Variants in FAM171A1 observed in about 807,000 individuals in gnomAD.
The protein encoded by FAM171A1 is protein FAM171A1.
FAM171A1 carries 23 observed loss-of-function variants against 74.9 expected under a neutral mutation model. That is an observed-to-expected ratio of 0.31 (90% confidence interval 0.22 to 0.44). The LOEUF (loss-of-function observed/expected upper bound fraction) is 0.44, where lower values mean the gene tolerates loss of function less well. FAM171A1 is among the 20% of genes least tolerant of loss of function. The pLI, the probability that FAM171A1 is intolerant of heterozygous loss-of-function variation, is 1.00. For missense variants in FAM171A1, 1,162 were observed against 1,159.2 expected (o/e 1.00, Z -0.03); for synonymous variants, 527 against 505.7 (o/e 1.04, Z -0.57).
At chr10:15,275,582 C>A (rs758388180) in intron 3 of FAM171A1, among the ~76,000 whole-genome samples, 1 of 152,026 alleles carries the variant, frequency 6.6e-6, no homozygotes, top group Non-Finnish European at 1.5e-5. Flanking sequence ...TAGGCATGAG[C>A]CATAAGATTT....
chr10:15,289,126 T>C lies in FAM171A1; in HGVS notation c.98-5021A>G, dbSNP rs549911371. ...TGTGAGCCATCACACCCGGCCTGAT[T>C]CGGTAATTCTTACAGCCCACAGGGG... On this transcript the variant is annotated intron_variant, in intron 1 of 7. Coordinates refer to ENST00000378116, the MANE Select transcript of FAM171A1 (RefSeq NM_001010924.2). Among the ~76,000 whole-genome samples, 19 of 152,158 alleles carry C rather than the reference T, an allele frequency of 1.2e-4. No individual in the cohort carries two copies. In the East Asian group the frequency reaches 2.7e-3, roughly 22 times the overall value.
intron 1 of FAM171A1, among the ~76,000 whole-genome samples, chr10:15,369,307 C>T (rs1836105556): frequency 6.7e-6 from 1 of 149,706 alleles, no homozygotes; most frequent in Non-Finnish European, 1.5e-5. Context: ...ATTTCAAGTG[C>T]AAAAGGAAAA....
intron 1 of FAM171A1, among the ~76,000 whole-genome samples, chr10:15,324,587 G>A (rs372182046): frequency 2.0e-5 from 3 of 152,106 alleles, no homozygotes; most frequent in South Asian, 2.1e-4. Context: ...CTGCACAGTC[G>A]GCTGAGATTT....
intron 1 of FAM171A1, among the ~76,000 whole-genome samples, chr10:15,358,901 G>C (rs541916576): frequency 6.6e-6 from 1 of 152,196 alleles, no homozygotes; most frequent in African/African-American, 2.4e-5. Context: ...AGCACAGTTG[G>C]GGGGTGAAGT....
chr10:15,213,417 T>A lies in FAM171A1; in HGVS notation c.2171A>T (p.Tyr724Phe). ...GRSNAHVRHS[Y>F]IDLQRAGRNG... ...CCTTCCAGCTCTTTGGAGATCAATGTATGAATGTCTAACGTGAGCGTTGGA... is the reference window on the plus strand; with the variant it reads ...CCTTCCAGCTCTTTGGAGATCAATGAATGAATGTCTAACGTGAGCGTTGGA... The change falls in exon 8 of 8, where the codon TAC becomes TTC. Residue 724 changes from tyrosine to phenylalanine, a missense_variant. Physicochemically the swap from Tyr to Phe is conservative, Grantham distance 22. Transcript: ENST00000378116. This position sits in a 1 kb window ranked among gnomAD's most constrained non-coding sequence, Gnocchi z 6.8. The A allele has an allele frequency of 1.2e-6, 2 of 1,614,202 alleles. No homozygotes were observed. Among genetic ancestry groups the A allele is most frequent in the Non-Finnish European group, 1.7e-6 (2 of 1,180,042 alleles).
chr10:15,269,732 C>T (rs1834797136), intron 3 of FAM171A1, among the ~76,000 whole-genome samples: 1 of 152,182 alleles, frequency 6.6e-6, no homozygotes, highest in Non-Finnish European at 1.5e-5. Context: ...TGAACATGCT[C>T]TCCATTGGAG....
At chr10:15,263,808 A>G (rs908744985) in intron 3 of FAM171A1, among the ~76,000 whole-genome samples, 3 of 151,278 alleles carry the variant, frequency 2.0e-5, no homozygotes, top group Non-Finnish European at 4.4e-5. Flanking sequence ...CTAATCTATT[A>G]ATCATCTATC....
At chr10:15,370,250 T>C (rs1458818991) in intron 1 of FAM171A1, among the ~76,000 whole-genome samples, 1 of 150,824 alleles carries the variant, frequency 6.6e-6, no homozygotes, top group Non-Finnish European at 1.5e-5. Context: ...CTTTTTTTTT[T>C]TTTTTTTTTT....
intron 1 of FAM171A1, among the ~76,000 whole-genome samples, chr10:15,313,658 A>G (rs1835389737): frequency 6.6e-6 from 1 of 152,238 alleles, no homozygotes; most frequent in Non-Finnish European, 1.5e-5. Context: ...AGTCTTTCAT[A>G]AGAAATCACA....
At chr10:15,365,428 T>A (rs1253988307) in intron 1 of FAM171A1, among the ~76,000 whole-genome samples, 3 of 152,170 alleles carry the variant, frequency 2.0e-5, no homozygotes, top group Non-Finnish European at 4.4e-5. Context: ...CAGAGGGGCT[T>A]AATTCCCAGA....
At chr10:15,251,126 C>A (rs1036225100) in intron 4 of FAM171A1, among the ~76,000 whole-genome samples, 2 of 152,152 alleles carry the variant, frequency 1.3e-5, no homozygotes, top group Non-Finnish European at 2.9e-5. Flanking sequence ...AGACTAGATG[C>A]CTTCCTGCAT....
At chr10:15,261,645 G>A (rs1057442913) in intron 3 of FAM171A1, among the ~76,000 whole-genome samples, 5 of 152,126 alleles carry the variant, frequency 3.3e-5, no homozygotes, top group African/African-American at 7.2e-5. Context: ...AGCAGTTCCC[G>A]GGCTGGTATT....
chr10:15,350,717 C>A (rs1352416334), intron 1 of FAM171A1, among the ~76,000 whole-genome samples: 6 of 151,706 alleles, frequency 4.0e-5, no homozygotes, highest in Non-Finnish European at 8.8e-5. Flanking sequence ...TGGCTCACTG[C>A]AACATCTGCC....
At chr10:15,278,423 C>G (rs1246780189) in intron 2 of FAM171A1, among the ~76,000 whole-genome samples, 4 of 152,140 alleles carry the variant, frequency 2.6e-5, no homozygotes, top group Admixed American at 2.0e-4. Flanking sequence ...AACCGAAAAC[C>G]TACGTTCATA....
At chr10:15,365,670 C>G (rs1055065442) in intron 1 of FAM171A1, among the ~76,000 whole-genome samples, 14 of 151,244 alleles carry the variant, frequency 9.3e-5, no homozygotes, top group Admixed American at 8.6e-4. Flanking sequence ...CTAGGGAGGC[C>G]GAGGCAGGAG....
At chr10:15,267,645 AG>A (rs1358500882) in intron 3 of FAM171A1, among the ~76,000 whole-genome samples, 1 of 139,528 alleles carries the variant, frequency 7.2e-6, no homozygotes, top group African/African-American at 2.6e-5. Context: ...GGGGAGAAGA[AG>A]GTTGTGTGTG....
intron 2 of FAM171A1, among the ~76,000 whole-genome samples, chr10:15,280,938 G>A (rs181405117): frequency 2.6e-5 from 4 of 152,234 alleles, no homozygotes; most frequent in Admixed American, 1.3e-4. Flanking sequence ...TTGGATCTGC[G>A]TCCCTGCCCA....
chr10:15,299,335 G>T (rs1047180824), intron 1 of FAM171A1, among the ~76,000 whole-genome samples: 1 of 152,190 alleles, frequency 6.6e-6, no homozygotes, highest in African/African-American at 2.4e-5. Context: ...TGAAATTAAT[G>T]TACACACCTT....
chr10:15,224,682 CT>C (rs1564615022), intron 5 of FAM171A1, among the ~76,000 whole-genome samples: 1 of 152,158 alleles, frequency 6.6e-6, no homozygotes, highest in Non-Finnish European at 1.5e-5. Flanking sequence ...AGTTTTCTCT[CT>C]TGCCTGCCAC....
Sources: gnomAD v4.1 joint callset for allele counts (sites outside exome capture counted in the v4.1 genomes callset) on GRCh38, gnomAD v4.1.1 for gene constraint, Gnocchi (gnomAD v3.1) non-coding constraint, MANE v1.5 for transcripts, NCBI Gene and HGNC (gene_info 2026-07-23, HGNC 2026-07-21) for gene names.